Variants in BTD observed in about 807,000 individuals in gnomAD.
BTD encodes the protein biocytinase.
BTD carries 13 observed loss-of-function variants against 17.7 expected under a neutral mutation model. That is an observed-to-expected ratio of 0.74 (90% CI 0.48 to 1.17). The LOEUF is 1.17. Ranked by LOEUF, BTD falls within the 50% of genes most tolerant of loss-of-function variation. BTD has a pLI of 0.00. For missense variants in BTD, 674 were observed against 650.4 expected, an observed-to-expected ratio of 1.04 and a Z score of -0.39; for synonymous variants, 240 against 245.2, an observed-to-expected ratio of 0.98 and a Z score of 0.20.
At chr3:15,615,007 TG>T (rs1366124158) in intron 1 of BTD, among the ~76,000 whole-genome samples, 3 of 152,224 alleles carry the variant, frequency 2.0e-5, no homozygotes, top group Non-Finnish European at 4.4e-5. Flanking sequence ...CTGAAGTTGT[TG>T]GGGGCCTGAT....
chr3:15,602,773 C>G (rs959623044), intron 1 of BTD, among the ~76,000 whole-genome samples: 2 of 152,150 alleles, frequency 1.3e-5, no homozygotes, highest in African/African-American at 4.8e-5. Context: ...CTCTTTTTCT[C>G]AACCCCTCAA....
chr3:15,693,089 G>A (rs1175342004), intron 3 of BTD, among the ~76,000 whole-genome samples: 1 of 152,094 alleles, frequency 6.6e-6, no homozygotes. Flanking sequence ...GTATTACCAG[G>A]GACTGGGGAA....
At chr3:15,717,001 C>A (rs570660237), downstream of BTD, among the ~76,000 whole-genome samples, 4 of 152,238 alleles carry the variant, frequency 2.6e-5, no homozygotes, top group African/African-American at 9.6e-5. Context: ...ACCAAATCTA[C>A]TTCATATATA....
chr3:15,719,911 C>A (rs2124890372), intron 4 of BTD, among the ~76,000 whole-genome samples: 1 of 152,186 alleles, frequency 6.6e-6, no homozygotes. Context: ...CACTCTGTCA[C>A]CCAGGCTGGA....
intron 3 of BTD, among the ~76,000 whole-genome samples, chr3:15,704,473 T>C (rs1026033004): frequency 6.6e-5 from 10 of 152,116 alleles, no homozygotes; most frequent in African/African-American, 2.4e-4. Context: ...GCTTTAAAGG[T>C]AGAAACTGTG....
intron 3 of BTD, chr3:15,686,159 G>C: frequency 6.2e-7 from 1 of 1,601,198 alleles, no homozygotes; most frequent in Non-Finnish European, 8.5e-7. Flanking sequence ...TGTCACTTAA[G>C]ACTGTACTCT....
chr3:15,685,328 C>T, intron 3 of BTD: 4 of 1,614,000 alleles, frequency 2.5e-6, no homozygotes, highest in Admixed American at 1.7e-5. Flanking sequence ...CCAAGAACAC[C>T]AATGTGTCCA....
chr3:15,655,693 C>G (rs1460750853), downstream of BTD, among the ~76,000 whole-genome samples: 3 of 152,204 alleles, frequency 2.0e-5, no homozygotes, highest in African/African-American at 7.2e-5. Context: ...GATTTCAGCT[C>G]AAATATCCTT....
At chr3:15,711,576 G>A (rs1416230239) in exon 4 of BTD, among the ~76,000 whole-genome samples, 4 of 152,200 alleles carry the variant, frequency 2.6e-5, no homozygotes, top group Admixed American at 2.6e-4. Context: ...GTTCAGAACA[G>A]GCAAATTTTA....
In BTD at chr3:15,641,920, A is replaced by G. The variant is rs976185636; in HGVS notation, c.262A>G (p.Ile88Val). The change falls in exon 3 of 4, where the codon ATA becomes GTA. Residue 88 changes from isoleucine to valine, a missense_variant. Ile to Val is a conservative substitution (Grantham distance 29). Transcript: ENST00000643237. ...MTAAQKDVQI[I>V]VFPEDGIHGF... ...TTTTCATTTTCAGGATGTACAGATT[A>G]TAGTGTTTCCAGAAGATGGCATTCA... 1.4e-5 allele frequency: 22 copies of G among 1,611,522 alleles called. No individual in the cohort carries two copies. The African/African-American group carries it at 2.3e-4, about 17-fold the overall frequency.
At chr3:15,603,219 A>G (rs1199864115) in intron 1 of BTD, among the ~76,000 whole-genome samples, 1 of 152,194 alleles carries the variant, frequency 6.6e-6, no homozygotes, top group African/African-American at 2.4e-5. Context: ...CCCAAATATC[A>G]TATCCTCACA....
intron 2 of BTD, among the ~76,000 whole-genome samples, chr3:15,640,142 C>G (rs2065457882): frequency 6.6e-6 from 1 of 152,028 alleles, no homozygotes; most frequent in Admixed American, 6.6e-5. Flanking sequence ...ATTTTTATAC[C>G]CTTTGATCCA....
intron 3 of BTD, chr3:15,689,978 GA>G: frequency 6.6e-7 from 1 of 1,505,834 alleles, no homozygotes; most frequent in Non-Finnish European, 9.0e-7. Flanking sequence ...AAAAGTATTG[GA>G]TAGAAGTTAT....
At chr3:15,654,073 A>G (rs1328249957), downstream of BTD, among the ~76,000 whole-genome samples, 3 of 152,242 alleles carry the variant, frequency 2.0e-5, no homozygotes, top group African/African-American at 7.2e-5. Context: ...TCATATAAAC[A>G]TGGGATTTAA....
chr3:15,679,221 C>T, intron 3 of BTD: 1 of 1,363,044 alleles, frequency 7.3e-7, no homozygotes, highest in Non-Finnish European at 1.0e-6. Context: ...CCTCCCACTT[C>T]AGCCTCCCAG....
intron 3 of BTD, among the ~76,000 whole-genome samples, chr3:15,704,110 G>A (rs1407430886): frequency 6.6e-6 from 1 of 151,980 alleles, no homozygotes; most frequent in Non-Finnish European, 1.5e-5. Flanking sequence ...TCTGCAACAG[G>A]CAAATATAAT....
rs397514415 is a variant in BTD at position 15,645,169 on chromosome 3, A to G, written c.1253A>G (p.Tyr418Cys). ...AGGCCCACCTTATCCAAAGAGCTGT[A>G]TGCCCTGGGGGTCTTTGATGGGCTT... ...YERPTLSKEL[Y>C]ALGVFDGLHT... Residue 418 changes from tyrosine to cysteine, a missense_variant, in exon 4 of 4, where the codon TAT becomes TGT. Coordinates refer to ENST00000643237, the MANE Select transcript of BTD (RefSeq NM_001370658.1). 6.2e-7 allele frequency: 1 copy of G among 1,614,200 alleles called. No individual in the cohort carries two copies. Among genetic ancestry groups the G allele is most frequent in the Non-Finnish European group, 8.5e-7 (1 of 1,180,036 alleles).
intron 2 of BTD, among the ~76,000 whole-genome samples, chr3:15,638,300 C>T (rs957877163): frequency 2.0e-5 from 3 of 152,114 alleles, no homozygotes; most frequent in Admixed American, 6.5e-5. Flanking sequence ...ACTTTCCAAC[C>T]CTTACAGACC....
chr3:15,696,069 A>AT, intron 3 of BTD: 1 of 1,121,782 alleles, frequency 8.9e-7, no homozygotes, highest in Non-Finnish European at 1.3e-6. Flanking sequence ...ATTTATTCTC[A>AT]TTTTTGTTAC....
Sources: allele counts gnomAD v4.1 joint callset (sites outside exome capture counted in the v4.1 genomes callset), GRCh38; gene constraint gnomAD v4.1.1; transcripts MANE v1.5; gene names NCBI Gene and HGNC (gene_info 2026-07-23, HGNC 2026-07-21).